Variants in PAK5 observed in about 807,000 individuals in gnomAD.
The protein encoded by PAK5 is p21 (RAC1) activated kinase 5.
In PAK5, 16 loss-of-function variants were observed where a neutral mutation model predicts 65.9. That is an observed-to-expected ratio of 0.24 (90% CI 0.16 to 0.37). The LOEUF (loss-of-function observed/expected upper bound fraction) is 0.37. Among genes scored for constraint, PAK5 ranks in the 10% least tolerant of loss-of-function variants. The probability of loss-of-function intolerance (pLI) is 1.00; values close to 1 mark genes in which losing one functional copy is unlikely to be tolerated. For missense variants in PAK5, 785 were observed against 903.9 expected (o/e 0.87, Z 1.69); for synonymous variants, 371 against 354.9 (o/e 1.05, Z -0.51).
At chr20:9,681,490 A>C (rs1198111042) in intron 2 of PAK5, among the ~76,000 whole-genome samples, 2 of 152,056 alleles carry the variant, frequency 1.3e-5, no homozygotes, top group Admixed American at 6.6e-5. Context: ...GGGTCAATCA[A>C]GTATTTGTTA....
intron 3 of PAK5, among the ~76,000 whole-genome samples, chr20:9,590,050 C>T (rs2046139284): frequency 1.3e-5 from 2 of 151,804 alleles, no homozygotes; most frequent in South Asian, 4.2e-4. Flanking sequence ...TATAGTGGTG[C>T]AATCATAGCT....
intron 1 of PAK5, among the ~76,000 whole-genome samples, chr20:9,735,917 T>G (rs955439565): frequency 4.0e-5 from 6 of 151,568 alleles, no homozygotes; most frequent in Non-Finnish European, 8.8e-5. Flanking sequence ...TTTTTTTTTT[T>G]TGAGATGGAG....
chr20:9,678,376 G>T (rs1421874221), intron 2 of PAK5, among the ~76,000 whole-genome samples: 1 of 152,152 alleles, frequency 6.6e-6, no homozygotes, highest in Non-Finnish European at 1.5e-5. Context: ...GACCATCCTG[G>T]CTAACACGGT....
At chr20:9,593,218 C>G (rs2123071002) in intron 3 of PAK5, among the ~76,000 whole-genome samples, 1 of 152,036 alleles carries the variant, frequency 6.6e-6, no homozygotes, top group East Asian at 1.9e-4. Context: ...GTCGGAGGAT[C>G]CCTTGAGCCC....
intron 1 of PAK5, among the ~76,000 whole-genome samples, chr20:9,803,266 G>T (rs2049193653): frequency 6.6e-6 from 1 of 152,008 alleles, no homozygotes; most frequent in Non-Finnish European, 1.5e-5. Context: ...ATTAACAGCT[G>T]CAGTTGCCTG....
At chr20:9,550,678 G>T (rs1346809828) in intron 7 of PAK5, among the ~76,000 whole-genome samples, 1 of 151,966 alleles carries the variant, frequency 6.6e-6, no homozygotes, top group African/African-American at 2.4e-5. Context: ...TAGCCAGTAG[G>T]ACTCTGTGAA....
chr20:9,731,501 T>C (rs571546595), intron 1 of PAK5, among the ~76,000 whole-genome samples: 2 of 152,294 alleles, frequency 1.3e-5, no homozygotes, highest in South Asian at 4.1e-4. Flanking sequence ...GGCTCCTGTA[T>C]TGGGCATTCA....
chr20:9,792,806 T>C (rs1318658335), intron 1 of PAK5, among the ~76,000 whole-genome samples: 7 of 152,100 alleles, frequency 4.6e-5, no homozygotes, highest in Admixed American at 3.3e-4. Flanking sequence ...ACAGGAGATA[T>C]ATTTAACCTC....
chr20:9,765,211 C>T (rs748479036), intron 1 of PAK5, among the ~76,000 whole-genome samples: 4 of 152,068 alleles, frequency 2.6e-5, no homozygotes, highest in Non-Finnish European at 5.9e-5. Context: ...AAACAAACTC[C>T]TATGGGTGAA....
intron 2 of PAK5, among the ~76,000 whole-genome samples, chr20:9,645,527 G>A (rs1322850330): frequency 6.6e-6 from 1 of 152,002 alleles, no homozygotes; most frequent in Admixed American, 6.5e-5. Flanking sequence ...ATGTTGATTT[G>A]TTGAGGAAGA....
chr20:9,752,717 A>T (rs1286429982), intron 1 of PAK5, among the ~76,000 whole-genome samples: 3 of 152,174 alleles, frequency 2.0e-5, no homozygotes, highest in Admixed American at 2.0e-4. Context: ...ATGGGGAATC[A>T]GCGTGAGGCA....
At chr20:9,771,439 T>G (rs1449229017) in intron 1 of PAK5, among the ~76,000 whole-genome samples, 1 of 151,780 alleles carries the variant, frequency 6.6e-6, no homozygotes, top group Non-Finnish European at 1.5e-5. Context: ...GATAGGGTCT[T>G]GCTCTGTCAC....
chr20:9,717,121 G>A (rs912000953), intron 1 of PAK5, among the ~76,000 whole-genome samples: 1 of 151,746 alleles, frequency 6.6e-6, no homozygotes, highest in African/African-American at 2.4e-5. Context: ...AATGCTGAAT[G>A]TTTAGTAGAC....
At chr20:9,615,788 C>T (rs1235044381) in intron 3 of PAK5, among the ~76,000 whole-genome samples, 1 of 152,190 alleles carries the variant, frequency 6.6e-6, no homozygotes, top group Admixed American at 6.5e-5. Flanking sequence ...CACCTGAGGG[C>T]ACAAGGGCCA....
rs2049431979 is a variant in PAK5 at position 9,822,311 on chromosome 20, A to AATTAC, written c.-162+16446_-162+16450dup. 2.7e-5 allele frequency among the ~76,000 whole-genome samples: 4 copies of AATTAC among 150,622 alleles called. No individual in the cohort carries two copies. In the South Asian group the frequency reaches 6.3e-4, roughly 24 times the overall value. On this transcript the variant is annotated intron_variant, in intron 1 of 9. Transcript: ENST00000353224. ...GTCTCAAAAAAAAAAAAAAAAAAGC[A>AATTAC]ATTACATTACATTACACAGTCAAAT...
At chr20:9,586,769 G>C (rs2046077040) in intron 3 of PAK5, among the ~76,000 whole-genome samples, 1 of 152,002 alleles carries the variant, frequency 6.6e-6, no homozygotes, top group African/African-American at 2.4e-5. Context: ...TCAGAACTGG[G>C]GACCTGCTCT....
At chr20:9,826,023 G>A (rs1175892939) in intron 1 of PAK5, among the ~76,000 whole-genome samples, 1 of 152,132 alleles carries the variant, frequency 6.6e-6, no homozygotes, top group Admixed American at 6.5e-5. Context: ...GGGAGTGATG[G>A]GGACTGTGAC....
chr20:9,605,789 G>A (rs1336357971), intron 3 of PAK5, among the ~76,000 whole-genome samples: 1 of 152,186 alleles, frequency 6.6e-6, no homozygotes, highest in Non-Finnish European at 1.5e-5. Flanking sequence ...AATCAGCCGG[G>A]TGTGGTGGCA....
At chr20:9,651,417 G>C (rs1439815299) in intron 2 of PAK5, among the ~76,000 whole-genome samples, 1 of 152,188 alleles carries the variant, frequency 6.6e-6, no homozygotes. Flanking sequence ...CGCAGAGGTA[G>C]AGGAGCAGCT....
Sources: gnomAD v4.1 joint callset for allele counts (sites outside exome capture counted in the v4.1 genomes callset) on GRCh38, gnomAD v4.1.1 for gene constraint, MANE v1.5 for transcripts, NCBI Gene and HGNC (gene_info 2026-07-23, HGNC 2026-07-21) for gene names.